NBEAL1: variants seen among roughly 807,000 people sequenced by gnomAD.
NBEAL1 encodes the protein neurobeachin-like protein 1.
A neutral mutation model predicts 351.3 loss-of-function variants in NBEAL1; 273 were observed. The observed-to-expected ratio is 0.78, with a 90% CI of 0.70 to 0.86. The LOEUF (loss-of-function observed/expected upper bound fraction) is 0.86. NBEAL1 is among the 40% of genes least tolerant of loss of function. NBEAL1 has a pLI of 0.00. For synonymous variants in NBEAL1, 1,050 were observed against 1,086.4 expected (o/e 0.97, Z 0.66); for missense variants, 2,961 against 3,201.3 (o/e 0.92, Z 1.81).
At chr2:203,182,043 C>A (rs1232355325) in intron 43 of NBEAL1, 1 of 151,988 alleles carries the variant, frequency 6.6e-6, no homozygotes, top group Admixed American at 6.6e-5. Context: ...TGGGAGAAAG[C>A]AAATATATCA....
intron 2 of NBEAL1, among the ~76,000 whole-genome samples, chr2:203,028,660 T>C (rs2060900189): frequency 6.6e-6 from 1 of 151,346 alleles, no homozygotes; most frequent in Admixed American, 6.6e-5. Context: ...AATATATACA[T>C]GTTAATATAT....
intron 19 of NBEAL1, among the ~76,000 whole-genome samples, chr2:203,122,874 G>T (rs980988249): frequency 1.3e-5 from 2 of 152,086 alleles, no homozygotes; most frequent in African/African-American, 4.8e-5. Flanking sequence ...TGAAGGAAGG[G>T]TCACTGCTTT....
In NBEAL1 at chr2:203,016,333, C is replaced by G. The variant is rs1286453883; in HGVS notation, c.-52C>G. On this transcript the variant is annotated 5_prime_UTR_variant, in exon 2 of 56. Coordinates refer to ENST00000683969, the MANE Select transcript of NBEAL1 (RefSeq NM_001378026.1). Reference sequence around the variant, plus strand: ...GAAAATAAAATGGACATGCTGTAGTCTTGAACATAATTTTTTTAAGGAAAA... The same window carrying G: ...GAAAATAAAATGGACATGCTGTAGTGTTGAACATAATTTTTTTAAGGAAAA... 2 of 1,316,366 alleles carry G rather than the reference C, an allele frequency of 1.5e-6. No homozygotes were observed. The highest frequency in any genetic ancestry group is 3.0e-5 in the African/African-American group (2 of 67,704). The allele number at this position is 1,316,366 out of a possible 1,614,324, so 81.5% of individuals were successfully genotyped here.
At chr2:203,093,036 C>A (rs1439198993) in intron 10 of NBEAL1, among the ~76,000 whole-genome samples, 1 of 151,668 alleles carries the variant, frequency 6.6e-6, no homozygotes, top group Non-Finnish European at 1.5e-5. Flanking sequence ...ATTGAGACCA[C>A]CCTGGCTAAC....
chr2:203,133,806 T>G (rs2063132800), intron 27 of NBEAL1, among the ~76,000 whole-genome samples: 1 of 151,328 alleles, frequency 6.6e-6, no homozygotes. Context: ...ATTTATTTGT[T>G]TAACTGACAG....
chr2:203,123,782 A>G (rs554472272), intron 19 of NBEAL1, among the ~76,000 whole-genome samples: 13 of 152,304 alleles, frequency 8.5e-5, no homozygotes, highest in Admixed American at 5.2e-4. Flanking sequence ...TATGTACCAT[A>G]CATACCTGAA....
intron 4 of NBEAL1, chr2:203,052,556 T>C (rs948554995): frequency 1.3e-5 from 2 of 151,922 alleles, no homozygotes; most frequent in African/African-American, 2.4e-5. Context: ...ATGACTTTTC[T>C]TGTTTGTTTG....
rs2062976721 is a variant in NBEAL1, at chr2:203,127,815, G to A, written c.3283G>A (p.Asp1095Asn). 2.0e-6 allele frequency: 3 copies of A among 1,520,898 alleles called. No individual in the cohort carries two copies. The highest frequency in any genetic ancestry group is 2.7e-6 in the Non-Finnish European group (3 of 1,118,568). 94.2% of individuals were successfully genotyped at this position (1,520,898 alleles called of 1,614,324 possible). Residue 1095 changes from aspartate (D) to asparagine (N), a missense_variant, in exon 24 of 56, where the codon GAT becomes AAT. Asp to Asn is a conservative substitution (Grantham distance 23). Coordinates refer to ENST00000683969, the MANE Select transcript of NBEAL1 (RefSeq NM_001378026.1). ...GCKYNELSLD[D>N]IRTIRTSLYG... ...TAAATATAATGAACTATCTCTAGAT[G>A]ATATTCGAACAATAAGGACTTCTTT...
intron 18 of NBEAL1, among the ~76,000 whole-genome samples, chr2:203,118,187 C>T (rs1174656629): frequency 6.6e-6 from 1 of 152,166 alleles, no homozygotes; most frequent in Non-Finnish European, 1.5e-5. Flanking sequence ...TGTCTCAAAT[C>T]ATTTGTGAAA....
intron 12 of NBEAL1, among the ~76,000 whole-genome samples, chr2:203,102,369 G>A (rs2062344942): frequency 6.6e-6 from 1 of 152,104 alleles, no homozygotes; most frequent in Admixed American, 6.6e-5. Context: ...AGTGAGAGAG[G>A]GTATCCCTGT....
Position 203,108,078 on chromosome 2 carries a change from A to G in NBEAL1, c.1839A>G (p.Ile613Met). The G allele has an allele frequency of 6.4e-7, 1 of 1,552,286 alleles. No individual in the cohort carries two copies. The highest frequency in any genetic ancestry group is 8.7e-7 in the Non-Finnish European group (1 of 1,147,172). ...TGGCAGGAATTTCTGTGCCTCCCAT[A>G]CAGAAATGGCCAGGGTCTGCCTTTT... ...HSMAGISVPP[I>M]QKWPGSAFSF... is the part of the protein sequence containing the mutation. The change falls in exon 14 of 56, where the codon ATA (isoleucine) becomes ATG (methionine). Residue 613 changes from isoleucine (I) to methionine (M), a missense_variant. By Grantham distance (10) the Ile-to-Met change is conservative. Coordinates refer to ENST00000683969, the MANE Select transcript of NBEAL1 (RefSeq NM_001378026.1).
intron 6 of NBEAL1, among the ~76,000 whole-genome samples, chr2:203,066,601 G>A (rs533123704): frequency 6.6e-6 from 1 of 152,290 alleles, no homozygotes; most frequent in South Asian, 2.1e-4. Context: ...CTTTGGAGCT[G>A]TTGGGTACAC....
chr2:203,111,823 G>GA (rs2062579203), intron 15 of NBEAL1, among the ~76,000 whole-genome samples, 156 bp from the exon 16 acceptor site: 1 of 152,072 alleles, frequency 6.6e-6, no homozygotes, highest in South Asian at 2.1e-4. Flanking sequence ...TACTACTATG[G>GA]AAAAAATTGT....
chr2:203,063,235 G>A (rs758183720), intron 6 of NBEAL1, among the ~76,000 whole-genome samples: 1 of 151,664 alleles, frequency 6.6e-6, no homozygotes, highest in Admixed American at 6.6e-5. Flanking sequence ...AGCACTTTGG[G>A]AGGCCAAGGC....
At chr2:203,044,867 C>T (rs536803860) in intron 3 of NBEAL1, among the ~76,000 whole-genome samples, 50 of 152,258 alleles carry the variant, frequency 3.3e-4, no homozygotes, top group African/African-American at 1.2e-3. Context: ...ACCTAGGCTG[C>T]TTCCTGTAGT....
chr2:203,199,420 T>C lies in NBEAL1; in HGVS notation c.7211T>C (p.Ile2404Thr). ...AACATTTCTAATTACTTTACATTCA[T>C]CAAGGATCAAACTGTGACAAATCCA... Reference protein sequence around the residue: ...DRNISNYFTFIKDQTVTNPKT... With the variant: ...DRNISNYFTFTKDQTVTNPKT... Residue 2404 changes from isoleucine (I) to threonine (T), a missense_variant, in exon 49 of 56, where the codon ATC becomes ACC. Coordinates refer to ENST00000683969, the MANE Select transcript of NBEAL1 (RefSeq NM_001378026.1). 1 of 1,601,596 alleles carries C rather than the reference T, an allele frequency of 6.2e-7. No individual in the cohort carries two copies. Among genetic ancestry groups the C allele is most frequent in the South Asian group, 1.1e-5 (1 of 90,322 alleles).
rs939478665 is a variant in NBEAL1 at position 203,221,048 on chromosome 2, T to C, written c.*3694T>C. Among the ~76,000 whole-genome samples the C allele has an allele frequency of 2.0e-5, 3 of 152,140 alleles. No individual in the cohort carries two copies. The highest frequency in any genetic ancestry group is 4.4e-5 in the Non-Finnish European group (3 of 68,008). ...CTTGTATTGAAAATCAAGTTTATGC[T>C]TCTGAAAAGAATAAGTGGGCTCTCA... is the stretch of plus-strand genomic sequence containing the variant. On this transcript the variant is annotated 3_prime_UTR_variant, in exon 56 of 56. Transcript: ENST00000683969.
chr2:203,106,409 G>A (rs545167699), intron 12 of NBEAL1, among the ~76,000 whole-genome samples: 43 of 152,264 alleles, frequency 2.8e-4, no homozygotes, highest in Non-Finnish European at 5.3e-4. Context: ...TCATGGTTAG[G>A]TTCCTATTGA....
At chr2:203,141,366 A>AT (rs71034219) in intron 31 of NBEAL1, among the ~76,000 whole-genome samples, 24 of 9,106 alleles carry the variant, frequency 2.6e-3, no homozygotes, top group Admixed American at 4.7e-3. Context: ...TATTATTATT[A>AT]TTTTTTTTTT....
Sources: allele counts gnomAD v4.1 joint callset (sites outside exome capture counted in the v4.1 genomes callset), GRCh38; gene constraint gnomAD v4.1.1; transcripts MANE v1.5; gene names NCBI Gene and HGNC (gene_info 2026-07-23, HGNC 2026-07-21).